The following SPOCK1 variants were observed in gnomAD, a reference collection of about 807,000 sequenced individuals.
SPOCK1 encodes the protein SPARC (osteonectin), cwcv and kazal like domains proteoglycan 1, also known as testican-1.
Under a neutral mutation model 55.3 loss-of-function variants are expected in SPOCK1, and 23 were observed. That is an observed-to-expected ratio of 0.42 (90% CI 0.30 to 0.59). The LOEUF (loss-of-function observed/expected upper bound fraction) is 0.59. Among genes scored for constraint, SPOCK1 ranks in the 20% least tolerant of loss-of-function variants. The probability of loss-of-function intolerance (pLI) is 0.22; values close to 1 mark genes in which losing one functional copy is unlikely to be tolerated. For synonymous variants in SPOCK1, 226 were observed against 221.0 expected (o/e 1.02, Z -0.20); for missense variants, 499 against 552.5 (o/e 0.90, Z 0.97).
intron 2 of SPOCK1, among the ~76,000 whole-genome samples, chr5:137,476,906 C>T (rs1753848282): frequency 6.6e-6 from 1 of 151,870 alleles, no homozygotes; most frequent in African/African-American, 2.4e-5. Flanking sequence ...GCCTGGACAA[C>T]AGAATGAGAC....
At chr5:137,006,075 G>T (rs895017990) in intron 6 of SPOCK1, among the ~76,000 whole-genome samples, 3 of 152,138 alleles carry the variant, frequency 2.0e-5, no homozygotes, top group Non-Finnish European at 4.4e-5. Context: ...TGTCTGTTCT[G>T]GTACCAGTAA....
At chr5:137,152,589 G>A (rs182059194) in intron 3 of SPOCK1, among the ~76,000 whole-genome samples, 38 of 152,262 alleles carry the variant, frequency 2.5e-4, no homozygotes, top group Non-Finnish European at 5.1e-4. Flanking sequence ...GTCATCTTTG[G>A]TTACTATAAT....
At chr5:137,123,827 G>T (rs1392549199) in intron 4 of SPOCK1, among the ~76,000 whole-genome samples, 1 of 152,088 alleles carries the variant, frequency 6.6e-6, no homozygotes, top group Non-Finnish European at 1.5e-5. Flanking sequence ...GAACATCCCT[G>T]TATATAAACC....
Position 137,387,109 on chromosome 5 carries a change from G to A in SPOCK1, c.186+111264C>T, listed in dbSNP as rs370493349. ...TTTAATACAAATAAAACAACAATGAGATCCCATACACACCTATTAGAATGG... is the reference window on the plus strand; with the variant it reads ...TTTAATACAAATAAAACAACAATGAAATCCCATACACACCTATTAGAATGG... On this transcript the variant is annotated intron_variant, in intron 2 of 10. Transcript: ENST00000394945. Among the ~76,000 whole-genome samples the A allele has an allele frequency of 2.6e-5, 4 of 152,140 alleles. No homozygotes were observed. The East Asian group carries it at 5.8e-4, about 22-fold the overall frequency.
At chr5:137,296,457 T>G (rs1290084329) in intron 2 of SPOCK1, among the ~76,000 whole-genome samples, 1 of 152,054 alleles carries the variant, frequency 6.6e-6, no homozygotes, top group African/African-American at 2.4e-5. Flanking sequence ...GAGGCTGGGA[T>G]GGGTGACTGC....
At chr5:137,250,528 A>T (rs1448776314) in intron 3 of SPOCK1, among the ~76,000 whole-genome samples, 1 of 152,200 alleles carries the variant, frequency 6.6e-6, no homozygotes, top group Non-Finnish European at 1.5e-5. Context: ...CCGTTCATAG[A>T]AGTGGGGGAA....
chr5:137,093,325 G>C (rs1753081414), intron 5 of SPOCK1, among the ~76,000 whole-genome samples: 1 of 152,184 alleles, frequency 6.6e-6, no homozygotes, highest in Non-Finnish European at 1.5e-5. Flanking sequence ...CTCAGCCCTG[G>C]AGAGATTCTG....
chr5:137,364,021 C>A (rs975362027), intron 2 of SPOCK1, among the ~76,000 whole-genome samples: 14 of 152,192 alleles, frequency 9.2e-5, no homozygotes, highest in African/African-American at 3.1e-4. Flanking sequence ...GATCCCAGGG[C>A]CCTGCACCTG....
At chr5:137,205,584 C>T (rs575278059) in intron 3 of SPOCK1, among the ~76,000 whole-genome samples, 25 of 152,336 alleles carry the variant, frequency 1.6e-4, no homozygotes, top group African/African-American at 5.8e-4. Flanking sequence ...CAGTGGCTCT[C>T]CCAGCTGCTG....
chr5:137,215,557 A>G (rs959211272), intron 3 of SPOCK1, among the ~76,000 whole-genome samples: 1 of 152,244 alleles, frequency 6.6e-6, no homozygotes, highest in African/African-American at 2.4e-5. Flanking sequence ...TTTATACCAA[A>G]ATAAACACAG....
intron 5 of SPOCK1, among the ~76,000 whole-genome samples, chr5:137,098,694 C>A (rs1384847866): frequency 6.6e-6 from 1 of 152,182 alleles, no homozygotes; most frequent in Non-Finnish European, 1.5e-5. Flanking sequence ...GTCTCAGAGG[C>A]CATGTCAAGA....
intron 4 of SPOCK1, among the ~76,000 whole-genome samples, chr5:137,127,234 C>T (rs1753796716): frequency 6.6e-6 from 1 of 152,214 alleles, no homozygotes; most frequent in South Asian, 2.1e-4. Flanking sequence ...GGCTGCTCTA[C>T]CCATCACAGG....
chr5:137,219,523 A>G (rs1341421998), intron 3 of SPOCK1, among the ~76,000 whole-genome samples: 1 of 152,242 alleles, frequency 6.6e-6, no homozygotes, highest in Non-Finnish European at 1.5e-5. Flanking sequence ...TGAAGGTAAA[A>G]TTACAGCAAT....
At chr5:137,208,388 C>T (rs1361934187) in intron 3 of SPOCK1, among the ~76,000 whole-genome samples, 1 of 152,142 alleles carries the variant, frequency 6.6e-6, no homozygotes, top group East Asian at 1.9e-4. Flanking sequence ...AAAGGCCACA[C>T]AACTCATAGA....
At chr5:137,064,521 T>G (rs1752458157) in intron 6 of SPOCK1, among the ~76,000 whole-genome samples, 1 of 152,232 alleles carries the variant, frequency 6.6e-6, no homozygotes, top group African/African-American at 2.4e-5. Flanking sequence ...AGGCCAGGAC[T>G]GCCTGTGGAC....
chr5:137,288,691 T>C (rs1164177044), intron 2 of SPOCK1, among the ~76,000 whole-genome samples: 1 of 152,180 alleles, frequency 6.6e-6, no homozygotes, highest in African/African-American at 2.4e-5. Flanking sequence ...GATTTTTACA[T>C]ACAGAATTCT....
Position 137,385,952 on chromosome 5 carries a change from G to A in SPOCK1, c.186+112421C>T, listed in dbSNP as rs565545918. On this transcript the variant is annotated intron_variant, in intron 2 of 10. Transcript: ENST00000394945. ...GCATGAAAACTGCCACAGACGACAT[G>A]TAAACAAATGAGAATGGCCATACTC... Among the ~76,000 whole-genome samples the A allele has an allele frequency of 1.2e-4, 19 of 152,304 alleles. No homozygotes were observed. In the South Asian group the frequency reaches 3.9e-3, roughly 32 times the overall value.
intron 2 of SPOCK1, among the ~76,000 whole-genome samples, chr5:137,411,862 A>T (rs1169437453): frequency 6.6e-6 from 1 of 152,168 alleles, no homozygotes. Context: ...TCTCCAAAAA[A>T]TTTAAAAATC....
chr5:137,319,643 A>G (rs1017813018), intron 2 of SPOCK1, among the ~76,000 whole-genome samples: 2 of 152,234 alleles, frequency 1.3e-5, no homozygotes, highest in Non-Finnish European at 2.9e-5. Flanking sequence ...CAGAAACACC[A>G]GCTTTAACAA....
Sources: allele counts gnomAD v4.1 joint callset (sites outside exome capture counted in the v4.1 genomes callset), GRCh38; gene constraint gnomAD v4.1.1; transcripts MANE v1.5; gene names NCBI Gene and HGNC (gene_info 2026-07-23, HGNC 2026-07-21).